The following GLIS1 variants were observed in gnomAD, a reference collection of about 807,000 sequenced individuals.
The protein encoded by GLIS1 is GLIS family zinc finger 1, also known as zinc finger protein GLIS1.
Under a neutral mutation model 63.8 loss-of-function variants are expected in GLIS1, and 24 were observed. The observed-to-expected ratio is 0.38, with a 90% CI of 0.27 to 0.53. GLIS1 has a LOEUF of 0.53. Among genes scored for constraint, GLIS1 ranks in the 20% least tolerant of loss-of-function variants. The probability of loss-of-function intolerance (pLI) is 0.85; values close to 1 mark genes in which losing one functional copy is unlikely to be tolerated. For missense variants in GLIS1, 1,036 were observed against 1,074.1 expected, an observed-to-expected ratio of 0.96 and a Z score of 0.50; for synonymous variants, 450 against 482.5, an observed-to-expected ratio of 0.93 and a Z score of 0.88.
Position 53,520,710 on chromosome 1 carries a change from C to T in GLIS1, c.1650G>A (p.Gln550=), listed in dbSNP as rs780771347. 6.2e-7 allele frequency: 1 copy of T among 1,606,754 alleles called. No homozygotes were observed. The highest frequency in any genetic ancestry group is 1.1e-5 in the South Asian group (1 of 89,460). ...CCAGCTGTGTGGACGTGTGGAGCTG[C>T]TGCAGGACCAGACACTCGGTCAGGA... ...ADVLTECLVL[Q]QLHTSTQLAA... Residue 550 remains glutamine (Q), a synonymous_variant, in exon 7 of 11, where the codon CAG becomes CAA. Transcript: ENST00000628545.
Position 53,506,772 on chromosome 1 carries a change from A to G in GLIS1, c.2235T>C (p.Tyr745=). Residue 745 remains tyrosine, a synonymous_variant, in exon 11 of 11, where the codon TAT becomes TAC. Coordinates refer to ENST00000628545, the MANE Select transcript of GLIS1 (RefSeq NM_001367484.1). ...GGCATGAGGCCTCAGCCAGGGCCTC[A>G]TAGCCTGTGAGTGGTTGGGAAAGGG... ...SLSTPLPATG[Y]EALAEASCPT... The G allele has an allele frequency of 6.2e-7, 1 of 1,609,448 alleles. No homozygotes were observed. The highest frequency in any genetic ancestry group is 1.1e-5 in the South Asian group (1 of 91,062).
At chr1:53,559,705 T>C (rs1644867606) in intron 4 of GLIS1, among the ~76,000 whole-genome samples, 1 of 152,064 alleles carries the variant, frequency 6.6e-6, no homozygotes, top group South Asian at 2.1e-4. Flanking sequence ...CTGCACCCCC[T>C]GGCCTCAGCC....
At chr1:53,700,755 G>A (rs1646515115) in intron 2 of GLIS1, among the ~76,000 whole-genome samples, 1 of 152,102 alleles carries the variant, frequency 6.6e-6, no homozygotes, top group Admixed American at 6.6e-5. Flanking sequence ...AAAGAAACCT[G>A]TACCCATTAG....
chr1:53,702,379 G>T (rs568413280), intron 2 of GLIS1, among the ~76,000 whole-genome samples: 2 of 152,242 alleles, frequency 1.3e-5, no homozygotes, highest in Non-Finnish European at 2.9e-5. Flanking sequence ...AGTGGAAGAC[G>T]CAGGGCAAGC....
chr1:53,711,182 T>A (rs1437942374), intron 2 of GLIS1, among the ~76,000 whole-genome samples: 3 of 152,148 alleles, frequency 2.0e-5, no homozygotes, highest in Non-Finnish European at 2.9e-5. Flanking sequence ...TGAACTGCCC[T>A]GTAAACCCCA....
At chr1:53,613,623 T>A (rs1645448530) in intron 2 of GLIS1, among the ~76,000 whole-genome samples, 2 of 147,398 alleles carry the variant, frequency 1.4e-5, no homozygotes, top group Non-Finnish European at 3.0e-5. Flanking sequence ...AGCTGTGTTA[T>A]TATGTAATTT....
Position 53,709,409 on chromosome 1 carries a change from T to TAC in GLIS1, c.259+28396_259+28397insGT, listed in dbSNP as rs1288574790. On this transcript the variant is annotated intron_variant, in intron 2 of 10. Coordinates refer to ENST00000628545, the MANE Select transcript of GLIS1 (RefSeq NM_001367484.1). ...ACATATATATACATATACATATATA[T>TAC]ATACACACACACACACACACACACA... 7.4e-3 allele frequency among the ~76,000 whole-genome samples: 68 copies of TAC among 9,158 alleles called. No individual in the cohort carries two copies. The South Asian group carries it at 0.095, about 13-fold the overall frequency. 6.0% of individuals were successfully genotyped at this position (9,158 alleles called of 152,430 possible).
At chr1:53,665,313 G>A (rs746808507) in intron 2 of GLIS1, among the ~76,000 whole-genome samples, 16 of 152,158 alleles carry the variant, frequency 1.1e-4, no homozygotes, top group Non-Finnish European at 2.1e-4. Flanking sequence ...AAGACTGGGG[G>A]AGGTATATGT....
intron 2 of GLIS1, among the ~76,000 whole-genome samples, chr1:53,611,077 T>C (rs1213600538): frequency 6.6e-6 from 1 of 152,188 alleles, no homozygotes; most frequent in Admixed American, 6.5e-5. Context: ...AACATATTAA[T>C]GTTATGAACA....
At chr1:53,545,177 T>C (rs1270169486) in intron 4 of GLIS1, among the ~76,000 whole-genome samples, 2 of 152,142 alleles carry the variant, frequency 1.3e-5, no homozygotes, top group Non-Finnish European at 2.9e-5. Flanking sequence ...AGGGAGGTAA[T>C]GACAGTAGAG....
At chr1:53,663,351 C>A (rs1646050171) in intron 2 of GLIS1, among the ~76,000 whole-genome samples, 1 of 152,240 alleles carries the variant, frequency 6.6e-6, no homozygotes, top group Non-Finnish European at 1.5e-5. Flanking sequence ...ATATCAGAGG[C>A]CTGGGGGCTG....
intron 2 of GLIS1, among the ~76,000 whole-genome samples, chr1:53,727,199 T>C (rs561401526): frequency 1.3e-5 from 2 of 152,346 alleles, no homozygotes; most frequent in East Asian, 3.9e-4. Flanking sequence ...CTCTGAACCT[T>C]AGTCTTCCCA....
At chr1:53,685,905 C>T (rs775064446) in intron 2 of GLIS1, among the ~76,000 whole-genome samples, 9 of 152,184 alleles carry the variant, frequency 5.9e-5, no homozygotes, top group Non-Finnish European at 1.2e-4. Flanking sequence ...CCCTGCTGAG[C>T]CCTCCAGCCA....
intron 8 of GLIS1, 66 bp from the exon 9 acceptor site, chr1:53,510,093 G>T: frequency 1.0e-6 from 1 of 967,736 alleles, no homozygotes; most frequent in Non-Finnish European, 1.4e-6. Context: ...AGGCAGGGCT[G>T]CTGCGGCTTA....
Position 53,559,226 on chromosome 1 carries a change from A to G in GLIS1, c.1321-29274T>C, listed in dbSNP as rs372901885. 2.6e-5 allele frequency among the ~76,000 whole-genome samples: 4 copies of G among 152,258 alleles called. 1 individual carries two copies. ...TTGGCTTCTCTGGGGACAGGGACCAAGTGTTTCTTGGCTGCACTCATCCTT... is the reference window on the plus strand; with the variant it reads ...TTGGCTTCTCTGGGGACAGGGACCAGGTGTTTCTTGGCTGCACTCATCCTT... On this transcript the variant is annotated intron_variant, in intron 4 of 10. Coordinates refer to ENST00000628545, the MANE Select transcript of GLIS1 (RefSeq NM_001367484.1).
At chr1:53,735,520 T>C (rs1200723795) in intron 2 of GLIS1, among the ~76,000 whole-genome samples, 1 of 152,198 alleles carries the variant, frequency 6.6e-6, no homozygotes, top group African/African-American at 2.4e-5. Flanking sequence ...ACATTCTTTA[T>C]CACTAATGAT....
intron 4 of GLIS1, among the ~76,000 whole-genome samples, chr1:53,566,654 G>T (rs1188880356): frequency 6.6e-6 from 1 of 152,180 alleles, no homozygotes; most frequent in African/African-American, 2.4e-5. Context: ...GGATCATGGG[G>T]TAGATTTCCC....
chr1:53,583,160 G>A (rs1645102288), intron 4 of GLIS1, among the ~76,000 whole-genome samples: 1 of 152,200 alleles, frequency 6.6e-6, no homozygotes, highest in Admixed American at 6.5e-5. Flanking sequence ...CTGAGCTGGA[G>A]GCGCAGATGT....
intron 2 of GLIS1, among the ~76,000 whole-genome samples, chr1:53,604,514 G>C (rs1036603097): frequency 2.6e-5 from 4 of 152,198 alleles, no homozygotes; most frequent in Non-Finnish European, 4.4e-5. Context: ...AGACCCAGAG[G>C]CTGCCTCCTT....
Sources: gnomAD v4.1 joint callset for allele counts (sites outside exome capture counted in the v4.1 genomes callset) on GRCh38, gnomAD v4.1.1 for gene constraint, MANE v1.5 for transcripts, NCBI Gene and HGNC (gene_info 2026-07-23, HGNC 2026-07-21) for gene names.